CLSTN2: variants seen among roughly 807,000 people sequenced by gnomAD.
The protein encoded by CLSTN2 is calsyntenin-2.
In CLSTN2, 48 loss-of-function variants were observed where a neutral mutation model predicts 101.2. The observed-to-expected ratio is 0.47, with a 90% CI of 0.38 to 0.60. CLSTN2 has a LOEUF of 0.60. Ranked by LOEUF, CLSTN2 falls within the 20% of genes least tolerant of loss-of-function variation. The probability of loss-of-function intolerance (pLI) is 0.00; values close to 1 mark genes in which losing one functional copy is unlikely to be tolerated. For missense variants in CLSTN2, 1,160 were observed against 1,238.2 expected (o/e 0.94, Z 0.95); for synonymous variants, 481 against 463.6 (o/e 1.04, Z -0.48).
chr3:140,130,689 T>C (rs1466885166), intron 1 of CLSTN2, among the ~76,000 whole-genome samples: 3 of 152,148 alleles, frequency 2.0e-5, no homozygotes, highest in Admixed American at 6.5e-5. Flanking sequence ...CACAGGGGAC[T>C]TGGAGGAAGG....
intron 1 of CLSTN2, among the ~76,000 whole-genome samples, chr3:140,137,048 A>G (rs919330318): frequency 1.3e-5 from 2 of 152,224 alleles, no homozygotes; most frequent in Non-Finnish European, 2.9e-5. Context: ...TATTTATTCA[A>G]CAAGTATTTA....
intron 2 of CLSTN2, among the ~76,000 whole-genome samples, chr3:140,276,814 T>C (rs1360683324): frequency 6.6e-6 from 1 of 152,234 alleles, no homozygotes; most frequent in Non-Finnish European, 1.5e-5. Flanking sequence ...AAAGTATTTG[T>C]GGACTTCTAT....
Position 140,329,577 on chromosome 3 carries a change from A to T in CLSTN2, c.233-74052A>T, listed in dbSNP as rs576713598. The stretch of plus-strand genomic sequence containing the variant: ...GGATTGAGATATGGCTTATAAATGC[A>T]TGTGACACATCTTGAATTAAAAAAA... On this transcript the variant is annotated intron_variant, in intron 2 of 16. Coordinates refer to ENST00000458420, the MANE Select transcript of CLSTN2 (RefSeq NM_022131.3). Among the ~76,000 whole-genome samples the T allele has an allele frequency of 1.4e-3, 208 of 152,260 alleles. 2 individuals carry two copies. Among genetic ancestry groups the T allele is most frequent in the African/African-American group, 4.6e-3 (192 of 41,552 alleles).
intron 8 of CLSTN2, among the ~76,000 whole-genome samples, chr3:140,501,563 T>C (rs1053014125): frequency 6.6e-6 from 1 of 152,122 alleles, no homozygotes; most frequent in Non-Finnish European, 1.5e-5. Flanking sequence ...TCTAGCAAAA[T>C]TTATAACCAT....
intron 1 of CLSTN2, among the ~76,000 whole-genome samples, chr3:140,088,875 A>G (rs1318281481): frequency 6.6e-6 from 1 of 152,246 alleles, no homozygotes; most frequent in Non-Finnish European, 1.5e-5. Context: ...TTCTTTAAAA[A>G]TTTAGTTGAA....
intron 4 of CLSTN2, 85 bp from the exon 5 acceptor site, chr3:140,421,040 G>T (rs1466698714): frequency 7.4e-7 from 1 of 1,349,652 alleles, no homozygotes; most frequent in South Asian, 1.3e-5. Context: ...TCCTGTGAAG[G>T]TGGGTGGAGT....
intron 1 of CLSTN2, among the ~76,000 whole-genome samples, chr3:140,172,532 A>G (rs896766711): frequency 3.9e-5 from 6 of 152,228 alleles, no homozygotes; most frequent in South Asian, 2.1e-4. Flanking sequence ...ACCTGCTGAT[A>G]TAAGTATACT....
At chr3:140,354,524 T>C (rs1279078502) in intron 2 of CLSTN2, among the ~76,000 whole-genome samples, 2 of 152,190 alleles carry the variant, frequency 1.3e-5, no homozygotes, top group Admixed American at 6.5e-5. Context: ...GTGGCACTCT[T>C]GGTGGAAAAG....
intron 2 of CLSTN2, among the ~76,000 whole-genome samples, chr3:140,309,095 A>G (rs1461180233): frequency 1.3e-5 from 2 of 152,224 alleles, no homozygotes; most frequent in East Asian, 3.8e-4. Context: ...CCCTACTCTC[A>G]TAGAACTTAC....
chr3:140,486,476 A>G (rs868713744), intron 8 of CLSTN2, among the ~76,000 whole-genome samples: 1 of 152,212 alleles, frequency 6.6e-6, no homozygotes, highest in Admixed American at 6.5e-5. Context: ...TACTGATGCA[A>G]AGTTCTTAAA....
rs1474050844 is a variant in CLSTN2 at position 140,568,707 on chromosome 3, ACTT to A, written c.*2455_*2457del. ...ATTTAAGTCTGGTGTTTGTGAGAAC[ACTT>A]TTCTCTTTGCTCAGTCTTTTCGATC... is the stretch of plus-strand genomic sequence containing the variant. On this transcript the variant is annotated 3_prime_UTR_variant, in exon 17 of 17. Coordinates refer to ENST00000458420, the MANE Select transcript of CLSTN2 (RefSeq NM_022131.3). 1.3e-5 allele frequency: 2 copies of A among 151,762 alleles called. No individual in the cohort carries two copies. Among genetic ancestry groups the A allele is most frequent in the Non-Finnish European group, 2.9e-5 (2 of 68,030 alleles). The allele number at this position is 151,762 out of a possible 1,614,324, so 9.4% of individuals were successfully genotyped here.
At chr3:139,943,096 T>C (rs9835329) in intron 1 of CLSTN2, among the ~76,000 whole-genome samples, 8,129 of 152,196 alleles carry the variant, frequency 0.053, 264 homozygotes, top group Non-Finnish European at 0.074. Flanking sequence ...GCTCTCATTT[T>C]TCCTCCAAGA....
chr3:140,565,563 A>T (rs1936009597), intron 16 of CLSTN2, among the ~76,000 whole-genome samples: 1 of 152,170 alleles, frequency 6.6e-6, no homozygotes, highest in Non-Finnish European at 1.5e-5. Flanking sequence ...CCAAAGGAAT[A>T]TTTTTGAGGG....
At chr3:140,312,945 T>C (rs905888988) in intron 2 of CLSTN2, among the ~76,000 whole-genome samples, 7 of 152,252 alleles carry the variant, frequency 4.6e-5, no homozygotes, top group Admixed American at 6.5e-5. Context: ...ACAATTTCTA[T>C]TTTGTGTTAT....
chr3:140,125,148 A>G (rs1301211159), intron 1 of CLSTN2, among the ~76,000 whole-genome samples: 1 of 152,038 alleles, frequency 6.6e-6, no homozygotes, highest in African/African-American at 2.4e-5. Flanking sequence ...GAGGGAGGAT[A>G]GGGGGAGAGG....
At chr3:140,243,026 G>A (rs2086484240) in intron 2 of CLSTN2, among the ~76,000 whole-genome samples, 1 of 152,192 alleles carries the variant, frequency 6.6e-6, no homozygotes, top group Admixed American at 6.5e-5. Context: ...CCAAGCTACT[G>A]CAGCCCATAG....
intron 2 of CLSTN2, among the ~76,000 whole-genome samples, chr3:140,266,391 G>T (rs1265499971): frequency 1.3e-5 from 2 of 152,148 alleles, no homozygotes; most frequent in African/African-American, 2.4e-5. Flanking sequence ...AGATAGTAGT[G>T]GTTGTCTTGA....
Position 140,459,731 on chromosome 3 carries a change from C to T in CLSTN2, c.1184C>T (p.Ala395Val), listed in dbSNP as rs1201014604. The T allele has an allele frequency of 1.9e-6, 3 of 1,614,014 alleles. No homozygotes were observed. Among genetic ancestry groups the T allele is most frequent in the Non-Finnish European group, 1.7e-6 (2 of 1,180,014 alleles). The change falls in exon 7 of 17, where the codon GCC (alanine) becomes GTC (valine). Residue 395 changes from alanine to valine, a missense_variant. By Grantham distance (64) the Ala-to-Val change is moderately conservative (BLOSUM62 0). Coordinates refer to ENST00000458420, the MANE Select transcript of CLSTN2 (RefSeq NM_022131.3). ...CACGGCCCCAGCCCTGGTGTGAGAG[C>T]CGAGAAGGAAACCATCCTCTGCAAC... is the stretch of plus-strand genomic sequence containing the variant. ...MKHGPSPGVR[A>V]EKETILCNSD...
chr3:140,104,381 G>A (rs1012731602), intron 1 of CLSTN2, among the ~76,000 whole-genome samples: 2 of 152,276 alleles, frequency 1.3e-5, no homozygotes, highest in Admixed American at 1.3e-4. Context: ...TCTGTTCTTA[G>A]CACAAATGTC....
Sources: gnomAD v4.1 joint callset for allele counts (sites outside exome capture counted in the v4.1 genomes callset) on GRCh38, gnomAD v4.1.1 for gene constraint, MANE v1.5 for transcripts, NCBI Gene and HGNC (gene_info 2026-07-23, HGNC 2026-07-21) for gene names.